The following IP6K3 variants were observed in gnomAD, a reference collection of about 807,000 sequenced individuals.
IP6K3 encodes the protein inositol hexakisphosphate kinase 3.
In IP6K3, 20 loss-of-function variants were observed where a neutral mutation model predicts 28.8. That is an observed-to-expected ratio of 0.70 (90% CI 0.49 to 1.01). The LOEUF is 1.01. Ranked by LOEUF, IP6K3 falls within the 50% of genes least tolerant of loss-of-function variation. The pLI is 0.00. For missense variants in IP6K3, 480 were observed against 537.1 expected, an observed-to-expected ratio of 0.89 and a Z score of 1.05; for synonymous variants, 213 against 221.3, an observed-to-expected ratio of 0.96 and a Z score of 0.33.
intron 4 of IP6K3, among the ~76,000 whole-genome samples, 185 bp from the exon 5 acceptor site, chr6:33,725,801 C>G (rs889190352): frequency 6.6e-6 from 1 of 152,214 alleles, no homozygotes; most frequent in African/African-American, 2.4e-5. Flanking sequence ...GCTTTGCAGG[C>G]TGCTTTAATA....
rs1765917472 is a variant in IP6K3 at position 33,722,009 on chromosome 6, GT to G, written c.*710del. 6.6e-6 allele frequency: 1 copy of G among 152,252 alleles called. No individual in the cohort carries two copies. The highest frequency in any genetic ancestry group is 6.5e-5 in the Admixed American group (1 of 15,280). The allele number at this position is 152,252 out of a possible 1,614,324, so 9.4% of individuals were successfully genotyped here. A position where few individuals can be genotyped will look rare whatever the true frequency, so the allele number is the denominator to read the frequency against. Reference sequence around the variant, plus strand: ...ATGTGGCAGAATGGGGAACTCCAAAGTCTGCTAAGAGATTCCTCATTTTAAG... The same window carrying G: ...ATGTGGCAGAATGGGGAACTCCAAAGCTGCTAAGAGATTCCTCATTTTAAG... On this transcript the variant is annotated 3_prime_UTR_variant, in exon 6 of 6. Transcript: ENST00000293756.
At chr6:33,725,168 G>T (rs910091186) in intron 5 of IP6K3, among the ~76,000 whole-genome samples, 2 of 150,230 alleles carry the variant, frequency 1.3e-5, no homozygotes, top group African/African-American at 4.9e-5. Flanking sequence ...GGCGGAGGTT[G>T]CAGTGAGCTG....
intron 5 of IP6K3, among the ~76,000 whole-genome samples, chr6:33,724,367 T>A (rs1251112173): frequency 6.6e-6 from 1 of 152,232 alleles, no homozygotes; most frequent in African/African-American, 2.4e-5. Context: ...AACTTCCAGC[T>A]TCAAGGGGTG....
At chr6:33,726,128 C>T (rs1204482352) in intron 4 of IP6K3, among the ~76,000 whole-genome samples, 2 of 152,110 alleles carry the variant, frequency 1.3e-5, no homozygotes, top group African/African-American at 4.8e-5. Flanking sequence ...AACCAGCCAC[C>T]CATTTGCAGG....
chr6:33,729,875 G>A (rs1766257214), intron 2 of IP6K3, among the ~76,000 whole-genome samples: 1 of 151,928 alleles, frequency 6.6e-6, no homozygotes, highest in Admixed American at 6.6e-5. Context: ...CACTGCACCC[G>A]GCTAATTTTT....
chr6:33,759,298 A>G, the IP6K3 span, among the ~76,000 whole-genome samples: 1 of 152,068 alleles, frequency 6.6e-6, no homozygotes, highest in African/African-American at 2.4e-5. Context: ...CTTTTTTGAG[A>G]CAGAGTCTCG....
intron 2 of IP6K3, among the ~76,000 whole-genome samples, chr6:33,731,824 C>T (rs955085041): frequency 6.6e-6 from 1 of 152,066 alleles, no homozygotes; most frequent in African/African-American, 2.4e-5. Flanking sequence ...GGGACAAGGC[C>T]TTGGAGGCCC....
chr6:33,756,594 G>T, the IP6K3 span, among the ~76,000 whole-genome samples: 1 of 152,160 alleles, frequency 6.6e-6, no homozygotes, highest in Admixed American at 6.5e-5. Flanking sequence ...AAATCTTGGG[G>T]CCCTTCTGAG....
chr6:33,760,245 T>C, the IP6K3 span, among the ~76,000 whole-genome samples: 1 of 152,246 alleles, frequency 6.6e-6, no homozygotes, highest in African/African-American at 2.4e-5. Flanking sequence ...GGAGAGGTGT[T>C]AGGAGTGCTC....
At chr6:33,756,045 G>A in the IP6K3 span, among the ~76,000 whole-genome samples, 7 of 152,192 alleles carry the variant, frequency 4.6e-5, no homozygotes, top group African/African-American at 1.7e-4. Flanking sequence ...TGTATTTTTA[G>A]TAGAGACAGG....
At chr6:33,743,531 G>T (rs1209400096) in intron 1 of IP6K3, among the ~76,000 whole-genome samples, 1 of 152,212 alleles carries the variant, frequency 6.6e-6, no homozygotes, top group Non-Finnish European at 1.5e-5. Context: ...TGGCTGAGGG[G>T]TTGTGCATCA....
chr6:33,751,140 C>G (rs1391486666), upstream of IP6K3, among the ~76,000 whole-genome samples: 1 of 152,196 alleles, frequency 6.6e-6, no homozygotes, highest in African/African-American at 2.4e-5. This position sits in a 1 kb window ranked among gnomAD's most constrained non-coding sequence, Gnocchi z 4.3. Flanking sequence ...AAGGGGGGGC[C>G]TTGTGGCTAG....
chr6:33,762,088 G>T, the IP6K3 span, among the ~76,000 whole-genome samples: 1 of 152,304 alleles, frequency 6.6e-6, no homozygotes, highest in African/African-American at 2.4e-5. Flanking sequence ...CTCCTGGGAC[G>T]CCAGCAACCC....
chr6:33,737,796 G>A (rs1318053052), intron 1 of IP6K3, among the ~76,000 whole-genome samples: 1 of 152,200 alleles, frequency 6.6e-6, no homozygotes, highest in Non-Finnish European at 1.5e-5. Context: ...TGCTCGGGTG[G>A]GAGGATGGAG....
At chr6:33,741,503 A>C (rs1260221223) in intron 1 of IP6K3, among the ~76,000 whole-genome samples, 1 of 152,010 alleles carries the variant, frequency 6.6e-6, no homozygotes, top group Non-Finnish European at 1.5e-5. Context: ...AAAAGTAGCC[A>C]GGTGTGGTGG....
chr6:33,725,721 C>T, intron 4 of IP6K3, 105 bp from the exon 5 acceptor site: 1 of 911,210 alleles, frequency 1.1e-6, no homozygotes, highest in Non-Finnish European at 1.7e-6. Flanking sequence ...CTATTCTGGG[C>T]ACCATTCTTC....
At chr6:33,736,115 C>T (rs1194587416) in intron 1 of IP6K3, among the ~76,000 whole-genome samples, 1 of 152,218 alleles carries the variant, frequency 6.6e-6, no homozygotes, top group Non-Finnish European at 1.5e-5. Context: ...ATCCACCCAC[C>T]TTGGCCTCCC....
At chr6:33,750,349 C>T (rs1767006080), upstream of IP6K3, among the ~76,000 whole-genome samples, 1 of 152,158 alleles carries the variant, frequency 6.6e-6, no homozygotes, top group Admixed American at 6.5e-5. This position sits in a 1 kb window ranked among gnomAD's most constrained non-coding sequence, Gnocchi z 4.3. Context: ...GAATAAAGTC[C>T]AAATTTCACC....
chr6:33,723,811 C>A (rs948370867), intron 5 of IP6K3, among the ~76,000 whole-genome samples: 5 of 152,202 alleles, frequency 3.3e-5, no homozygotes, highest in African/African-American at 4.8e-5. Flanking sequence ...CATGGCAGCT[C>A]TGTGGGGCTG....
Sources: gnomAD v4.1 joint callset for allele counts (sites outside exome capture counted in the v4.1 genomes callset) on GRCh38, gnomAD v4.1.1 for gene constraint, Gnocchi (gnomAD v3.1) non-coding constraint, MANE v1.5 for transcripts, NCBI Gene and HGNC (gene_info 2026-07-23, HGNC 2026-07-21) for gene names.